Variants in TRMT2B observed in about 807,000 individuals in gnomAD.
The protein encoded by TRMT2B is tRNA methyltransferase 2B, also known as tRNA (uracil-5-)-methyltransferase homolog B.
A neutral mutation model predicts 39.7 loss-of-function variants in TRMT2B; 34 were observed. The ratio of observed to expected loss-of-function variants is 0.86; its 90% CI spans 0.65 to 1.14. The LOEUF is 1.14. Among genes scored for constraint, TRMT2B ranks in the 50% most tolerant of loss-of-function variants. The probability of loss-of-function intolerance (pLI) is 0.00; values close to 1 mark genes in which losing one functional copy is unlikely to be tolerated. For synonymous variants in TRMT2B, 132 were observed against 137.3 expected (o/e 0.96, Z 0.27); for missense variants, 318 against 377.2 (o/e 0.84, Z 1.30).
At chrX:100,985,225 G>A in the TRMT2B span, among the ~76,000 whole-genome samples, 21 of 112,095 alleles carry the variant, frequency 1.9e-4, no homozygotes, top group African/African-American at 6.8e-4. Flanking sequence ...GGGCAAAGGA[G>A]CCAAGGGAAG....
Position 101,021,261 on chromosome X carries a change from T to C in TRMT2B, c.906A>G (p.Glu302=). The change falls in exon 10 of 14, where the codon GAA becomes GAG. Residue 302 remains glutamate, a synonymous_variant. Coordinates refer to ENST00000372936, the MANE Select transcript of TRMT2B (RefSeq NM_024917.6). The stretch of plus-strand genomic sequence containing the variant: ...TCAGAAGTTCTTCAAAGATGTAGGG[T>C]TCCCCAAACAGAAGCTGATAGGGAG... ...QQSPYQLLFG[E]PYIFEELLSL... 2 of 1,211,332 alleles carry C rather than the reference T, an allele frequency of 1.7e-6. No homozygotes were observed. Among genetic ancestry groups the C allele is most frequent in the Non-Finnish European group, 2.2e-6 (2 of 895,317 alleles).
At chrX:101,011,249 C>T (rs774838167) in intron 13 of TRMT2B, among the ~76,000 whole-genome samples, 1 of 111,726 alleles carries the variant, frequency 9.0e-6, no homozygotes, top group East Asian at 2.8e-4. Flanking sequence ...CACATCTAGG[C>T]TCTATGCTAT....
intron 13 of TRMT2B, among the ~76,000 whole-genome samples, chrX:101,017,776 C>T (rs1481179301): frequency 8.9e-6 from 1 of 111,990 alleles, no homozygotes; most frequent in Non-Finnish European, 1.9e-5. Flanking sequence ...ACAGGCTAGC[C>T]ACTTGCTTTT....
chrX:100,988,186 C>T, the TRMT2B span: 1 of 1,200,188 alleles, frequency 8.3e-7, no homozygotes, highest in Non-Finnish European at 1.1e-6. Context: ...TTTCCATCTT[C>T]CACCAGCTTC....
chrX:101,012,613 A>T (rs2086312936), intron 13 of TRMT2B, among the ~76,000 whole-genome samples: 1 of 109,740 alleles, frequency 9.1e-6, no homozygotes, highest in Non-Finnish European at 1.9e-5. Context: ...GAGAATGATG[A>T]TAAATCATGC....
rs7885599 is a variant in TRMT2B at position 101,010,724 on chromosome X, T to C, written c.1389-17A>G. 238,346 of 1,200,191 alleles carry C rather than the reference T, an allele frequency of 0.2. 16,624 individuals are homozygous for C. The highest frequency in any genetic ancestry group is 0.24 in the South Asian group (13,071 of 55,559). On this transcript the variant is annotated splice_polypyrimidine_tract_variant and intron_variant, in intron 13 of 13. Coordinates refer to ENST00000372936, the MANE Select transcript of TRMT2B (RefSeq NM_024917.6). ...CAGCACAGCCTGTAGAAACAGAACA[T>C]AGCATCAGTTCCCAGGAATAAAAGG... is the stretch of plus-strand genomic sequence containing the variant.
At chrX:100,974,656 C>T in the TRMT2B span, among the ~76,000 whole-genome samples, 1 of 111,680 alleles carries the variant, frequency 9.0e-6, no homozygotes, top group African/African-American at 3.3e-5. Context: ...AATTCTGTGA[C>T]AGCTAATATA....
In TRMT2B at chrX:101,047,207, G is replaced by GA. The variant is rs58813758; in HGVS notation, c.-24+4043dup. ...GGGTGACAAAGCAAGACCCTGTCTC[G>GA]AAAAAAAAAAAAAAAAAGTACTTAG... On this transcript the variant is annotated intron_variant, in intron 2 of 13. Coordinates refer to ENST00000372936, the MANE Select transcript of TRMT2B (RefSeq NM_024917.6). Among the ~76,000 whole-genome samples the GA allele has an allele frequency of 2.6e-3, 218 of 82,645 alleles. 2 individuals carry two copies. The highest frequency in any genetic ancestry group is 6.4e-3 in the African/African-American group (145 of 22,723). 71.8% of individuals were successfully genotyped at this position (82,645 alleles called of 115,157 possible).
the TRMT2B span, among the ~76,000 whole-genome samples, chrX:100,977,369 C>CTTTTTTTTTTTTT: frequency 1.2e-4 from 7 of 56,457 alleles, 1 homozygote; most frequent in African/African-American, 5.0e-4. Context: ...CTACTCTCTT[C>CTTTTTTTTTTTTT]TTTTTTTTTT....
rs762714713 is a variant in TRMT2B, at chrX:101,041,452, AC to A, written c.249-82del. The A allele has an allele frequency of 1.0e-3, 953 of 923,401 alleles. 1 individual carries two copies. The highest frequency in any genetic ancestry group is 1.4e-3 in the Non-Finnish European group (916 of 654,299). The allele number at this position is 923,401 out of a possible 1,213,427, so 76.1% of individuals were successfully genotyped here. A position where few individuals can be genotyped will look rare whatever the true frequency, so the allele number is the denominator to read the frequency against. On this transcript the variant is annotated intron_variant, in intron 3 of 13. Coordinates refer to ENST00000372936, the MANE Select transcript of TRMT2B (RefSeq NM_024917.6). ...TACTATGCATAAGTACTTTCAGAAG[AC>A]CTAACTCTCATGCTCTCTAGGGAGA...
chrX:101,032,062 G>C (rs991108067), intron 7 of TRMT2B, among the ~76,000 whole-genome samples: 12 of 110,373 alleles, frequency 1.1e-4, no homozygotes, highest in Non-Finnish European at 2.1e-4. Flanking sequence ...AAGGTGGGTA[G>C]ATCATTTGAG....
intron 7 of TRMT2B, among the ~76,000 whole-genome samples, chrX:101,032,607 A>G (rs2087554669): frequency 9.5e-6 from 1 of 105,147 alleles, no homozygotes; most frequent in South Asian, 4.2e-4. Context: ...ATAAATAAAT[A>G]AAATAAAATA....
At chrX:101,017,448 C>A (rs1396497063) in intron 13 of TRMT2B, among the ~76,000 whole-genome samples, 1 of 111,057 alleles carries the variant, frequency 9.0e-6, no homozygotes, top group African/African-American at 3.3e-5. Context: ...CAAATCACTT[C>A]GTTTTTTATA....
chrX:101,000,607 C>G, the TRMT2B span, among the ~76,000 whole-genome samples: 1 of 109,868 alleles, frequency 9.1e-6, no homozygotes, highest in African/African-American at 3.3e-5. Flanking sequence ...CTCAGAACAC[C>G]TGGGTAAGTC....
At chrX:100,990,837 C>A in the TRMT2B span, 1 of 324,116 alleles carries the variant, frequency 3.1e-6, no homozygotes, top group Non-Finnish European at 5.5e-6. Flanking sequence ...GAGAATTATG[C>A]TCTACTGAAT....
At chrX:100,995,537 T>C in the TRMT2B span, among the ~76,000 whole-genome samples, 4 of 111,861 alleles carry the variant, frequency 3.6e-5, no homozygotes, top group Admixed American at 3.8e-4. Context: ...TGTTGGGTGG[T>C]GGGAGAGCAA....
chrX:101,046,882 C>T (rs760419231), intron 2 of TRMT2B, among the ~76,000 whole-genome samples: 15 of 110,731 alleles, frequency 1.4e-4, no homozygotes, highest in South Asian at 3.8e-4. Context: ...GCCGAGATCA[C>T]GCCATTGCAC....
chrX:100,990,712 G>C, the TRMT2B span: 1 of 697,942 alleles, frequency 1.4e-6, no homozygotes, highest in Non-Finnish European at 2.2e-6. Flanking sequence ...TAAGTCATGG[G>C]TGATCAACCA....
At chrX:101,021,696 T>G (rs1401076996) in intron 9 of TRMT2B, among the ~76,000 whole-genome samples, 1 of 111,982 alleles carries the variant, frequency 8.9e-6, no homozygotes, top group Non-Finnish European at 1.9e-5. Flanking sequence ...CCCTAGTGGT[T>G]GGGTAGACAG....
Sources: gnomAD v4.1 joint callset for allele counts (sites outside exome capture counted in the v4.1 genomes callset) on GRCh38, gnomAD v4.1.1 for gene constraint, MANE v1.5 for transcripts, NCBI Gene and HGNC (gene_info 2026-07-23, HGNC 2026-07-21) for gene names.